The following ASB4 variants were observed in gnomAD, a reference collection of about 807,000 sequenced individuals.
ASB4 encodes ankyrin repeat and SOCS box containing 4, also known as ankyrin repeat and SOCS box protein 4.
A neutral mutation model predicts 38.6 loss-of-function variants in ASB4; 35 were observed. That is an observed-to-expected ratio of 0.91 (90% CI 0.69 to 1.20). The LOEUF (loss-of-function observed/expected upper bound fraction) is 1.20, where lower values mean the gene tolerates loss of function less well. Among genes scored for constraint, ASB4 ranks in the 50% most tolerant of loss-of-function variants. The pLI, the probability that ASB4 is intolerant of heterozygous loss-of-function variation, is 0.00. For missense variants in ASB4, 557 were observed against 527.2 expected, an observed-to-expected ratio of 1.06 and a Z score of -0.55; for synonymous variants, 195 against 201.3, an observed-to-expected ratio of 0.97 and a Z score of 0.26.
the ASB4 span, among the ~76,000 whole-genome samples, chr7:95,470,875 C>A: frequency 1.3e-5 from 2 of 152,276 alleles, no homozygotes; most frequent in East Asian, 3.9e-4. Flanking sequence ...TTTTAAGCCA[C>A]CACCAAAGAA....
At chr7:95,543,004 G>A (rs745774451), downstream of ASB4, 2 of 152,190 alleles carry the variant, frequency 1.3e-5, no homozygotes, top group Non-Finnish European at 2.9e-5. Flanking sequence ...AGATGTAGAA[G>A]GTAGGTACTG....
chr7:95,473,493 T>A (rs953166880), upstream of ASB4, among the ~76,000 whole-genome samples: 1 of 152,138 alleles, frequency 6.6e-6, no homozygotes, highest in African/African-American at 2.4e-5. Context: ...CCTGGCTGGG[T>A]GTGCAGCTGC....
chr7:95,499,770 A>G (rs1450933414), intron 2 of ASB4, among the ~76,000 whole-genome samples: 1 of 152,126 alleles, frequency 6.6e-6, no homozygotes, highest in Non-Finnish European at 1.5e-5. Flanking sequence ...AATGATTCAT[A>G]GAAAGAAAAC....
rs764111578 is a variant in ASB4 at position 95,538,513 on chromosome 7, G to A, written c.*754G>A. 1.3e-5 allele frequency: 2 copies of A among 152,218 alleles called. No individual in the cohort carries two copies. The highest frequency in any genetic ancestry group is 2.4e-5 in the African/African-American group (1 of 41,458). The allele number at this position is 152,218 out of a possible 1,614,324, so 9.4% of individuals were successfully genotyped here. On this transcript the variant is annotated 3_prime_UTR_variant, in exon 5 of 5. Transcript: ENST00000325885. ...TGCAATATAAAGTGATGGGGCAAGAGTACAGGTGCAGACTCACTTTTAATG... is the reference window on the plus strand; with the variant it reads ...TGCAATATAAAGTGATGGGGCAAGAATACAGGTGCAGACTCACTTTTAATG...
At chr7:95,515,312 T>TCTTTCTTCCTTC in intron 2 of ASB4, among the ~76,000 whole-genome samples, 1 of 100,676 alleles carries the variant, frequency 9.9e-6, no homozygotes, top group East Asian at 3.9e-4. Context: ...TTTCTTTCTT[T>TCTTTCTTCCTTC]CTTTCTTCCT....
chr7:95,537,722 A>G lies in ASB4; in HGVS notation c.1244A>G (p.Lys415Arg). 1.2e-6 allele frequency: 2 copies of G among 1,613,900 alleles called. No homozygotes were observed. Among genetic ancestry groups the G allele is most frequent in the Non-Finnish European group, 1.7e-6 (2 of 1,179,842 alleles). ...CTTTCCCTCCCATTGTCATTGAAAA[A>G]GTACTTGCTTTTAGAGCCAGAGGGA... ...PLLSLPLSLK[K>R]YLLLEPEGII... Residue 415 changes from lysine to arginine, a missense_variant, in exon 5 of 5, where the codon AAG (lysine) becomes AGG (arginine). Physicochemically the swap from Lys to Arg is conservative, Grantham distance 26. Coordinates refer to ENST00000325885, the MANE Select transcript of ASB4 (RefSeq NM_016116.3).
In ASB4 at chr7:95,496,013, C is replaced by T; in HGVS notation, c.443C>T (p.Thr148Ile). Residue 148 changes from threonine (T) to isoleucine (I), a missense_variant, in exon 2 of 5, where the codon ACA (threonine) becomes ATA (isoleucine). Transcript: ENST00000325885. ...GGACACACAGCTTTGCACTTTTGTA[C>T]AACTCCAAGTTCCATTCTCTGTGCC... ...LSGHTALHFC[T>I]TPSSILCAKQ... 6.2e-7 allele frequency: 1 copy of T among 1,613,890 alleles called. No homozygotes were observed. The highest frequency in any genetic ancestry group is 8.5e-7 in the Non-Finnish European group (1 of 1,179,870).
the ASB4 span, among the ~76,000 whole-genome samples, chr7:95,549,450 T>C: frequency 1.3e-5 from 2 of 151,792 alleles, no homozygotes; most frequent in Non-Finnish European, 2.9e-5. Flanking sequence ...GTGCCCGCCA[T>C]CACGCCCGGC....
chr7:95,515,243 CTT>C lies in ASB4; in HGVS notation c.488-12568_488-12567del, dbSNP rs1341362248. On this transcript the variant is annotated intron_variant, in intron 2 of 4. Transcript: ENST00000325885. The stretch of plus-strand genomic sequence containing the variant: ...TTTCTTTCTTTCTTTTTCTTTCTTT[CTT>C]TCTTTCCTTCTTTCTTTCTTTCTCT... 3.9e-3 allele frequency among the ~76,000 whole-genome samples: 462 copies of C among 119,926 alleles called. 6 individuals are homozygous for C. The highest frequency in any genetic ancestry group is 6.5e-3 in the Non-Finnish European group (362 of 55,954). 78.7% of individuals were successfully genotyped at this position (119,926 alleles called of 152,430 possible).
At chr7:95,498,619 A>T (rs949631630) in intron 2 of ASB4, among the ~76,000 whole-genome samples, 3 of 152,208 alleles carry the variant, frequency 2.0e-5, no homozygotes, top group Non-Finnish European at 4.4e-5. Flanking sequence ...CATAGTTTGC[A>T]CGTATTTCTC....
intron 3 of ASB4, among the ~76,000 whole-genome samples, chr7:95,529,872 A>C (rs1790794904): frequency 6.6e-6 from 1 of 152,144 alleles, no homozygotes; most frequent in South Asian, 2.1e-4. Flanking sequence ...TAATAGTGTT[A>C]ATATATTTTC....
intron 2 of ASB4, among the ~76,000 whole-genome samples, 167 bp from the exon 3 acceptor site, chr7:95,527,646 C>G (rs1450302927): frequency 6.6e-6 from 1 of 152,112 alleles, no homozygotes; most frequent in Non-Finnish European, 1.5e-5. Context: ...GAATGGCTTC[C>G]ACGAGGCCCA....
Position 95,500,878 on chromosome 7 carries a change from T to G in ASB4, c.487+4821T>G, listed in dbSNP as rs1790326924. ...TGACCTCCCTCCAGCAATTGTGCTC[T>G]TCTTCGCTTTTGCAGCCTCCCACTT... On this transcript the variant is annotated intron_variant, in intron 2 of 4. Coordinates refer to ENST00000325885, the MANE Select transcript of ASB4 (RefSeq NM_016116.3). 3.9e-5 allele frequency among the ~76,000 whole-genome samples: 6 copies of G among 152,180 alleles called. No homozygotes were observed. The South Asian group carries it at 1.2e-3, about 32-fold the overall frequency.
chr7:95,487,577 G>A (rs1204925854), intron 1 of ASB4, among the ~76,000 whole-genome samples: 1 of 152,190 alleles, frequency 6.6e-6, no homozygotes, highest in Non-Finnish European at 1.5e-5. Context: ...AAGAAACCAA[G>A]TTTTAGGTGC....
the ASB4 span, among the ~76,000 whole-genome samples, chr7:95,546,629 A>T: frequency 2.0e-5 from 3 of 152,218 alleles, no homozygotes; most frequent in Non-Finnish European, 4.4e-5. Context: ...AGTTCTTCTC[A>T]GTACAGTGTA....
chr7:95,493,733 G>A lies in ASB4; in HGVS notation c.188-2025G>A, dbSNP rs560845400. 9.2e-5 allele frequency among the ~76,000 whole-genome samples: 14 copies of A among 152,044 alleles called. No homozygotes were observed. In the East Asian group the frequency reaches 1.2e-3, roughly 13 times the overall value. On this transcript the variant is annotated intron_variant, in intron 1 of 4. Coordinates refer to ENST00000325885, the MANE Select transcript of ASB4 (RefSeq NM_016116.3). ...GGAGGCCACCACTATAACCAGTTTC[G>A]TGTTCTCAGTGTTTACAAATGTATT...
At chr7:95,496,823 G>A (rs1336646043) in intron 2 of ASB4, among the ~76,000 whole-genome samples, 1 of 152,132 alleles carries the variant, frequency 6.6e-6, no homozygotes, top group Non-Finnish European at 1.5e-5. Flanking sequence ...ACTCCAGCCT[G>A]ACTGACAGAG....
rs750427927 is a variant in ASB4, at chr7:95,527,955, C to T, written c.630C>T (p.Thr210=). ...IVDSVNAHME[T]PLAIAAYWAL... is the part of the protein sequence containing the mutation. Reference sequence around the variant, plus strand: ...ACAGCGTGAATGCCCACATGGAGACCCCCCTGGCCATCGCCGCCTACTGGG... The same window carrying T: ...ACAGCGTGAATGCCCACATGGAGACTCCCCTGGCCATCGCCGCCTACTGGG... The change falls in exon 3 of 5, where the codon ACC becomes ACT. Residue 210 remains threonine (T), a synonymous_variant. Transcript: ENST00000325885. 3.1e-6 allele frequency: 5 copies of T among 1,614,106 alleles called. No homozygotes were observed. The highest frequency in any genetic ancestry group is 2.5e-6 in the Non-Finnish European group (3 of 1,180,030).
intron 1 of ASB4, among the ~76,000 whole-genome samples, chr7:95,489,433 C>G (rs146138432): frequency 6.0e-4 from 91 of 152,314 alleles, no homozygotes; most frequent in African/African-American, 2.0e-3. Context: ...TCCTGTCTTT[C>G]TCCAGCACCT....
Sources: gnomAD v4.1 joint callset for allele counts (sites outside exome capture counted in the v4.1 genomes callset) on GRCh38, gnomAD v4.1.1 for gene constraint, MANE v1.5 for transcripts, NCBI Gene and HGNC (gene_info 2026-07-23, HGNC 2026-07-21) for gene names.